The following CDH18 variants were observed in gnomAD, a reference collection of about 807,000 sequenced individuals.
CDH18 encodes cadherin 18, also known as cadherin-18.
Under a neutral mutation model 67.9 loss-of-function variants are expected in CDH18, and 31 were observed. That is an observed-to-expected ratio of 0.46 (90% CI 0.34 to 0.62). CDH18 has a LOEUF of 0.62. CDH18 is among the 20% of genes least tolerant of loss of function. The probability of loss-of-function intolerance (pLI) is 0.01; values close to 1 mark genes in which losing one functional copy is unlikely to be tolerated. For synonymous variants in CDH18, 362 were observed against 347.2 expected (o/e 1.04, Z -0.48); for missense variants, 890 against 975.5 (o/e 0.91, Z 1.17).
chr5:20,454,186 T>TA, intron 1 of CDH18, among the ~76,000 whole-genome samples: 1 of 152,234 alleles, frequency 6.6e-6, no homozygotes, highest in East Asian at 1.9e-4. Context: ...TCTATTATTA[T>TA]AAAAATGGCT....
rs1415592893 is a variant in CDH18, at chr5:19,981,102, C to G, written c.-299G>C. 6 of 152,192 alleles carry G rather than the reference C, an allele frequency of 3.9e-5. No individual in the cohort carries two copies. Among genetic ancestry groups the G allele is most frequent in the Non-Finnish European group, 5.9e-5 (4 of 68,048 alleles). 9.4% of individuals were successfully genotyped at this position (152,192 alleles called of 1,614,324 possible). The stretch of plus-strand genomic sequence containing the variant: ...ACTGCTGTCACTCTGCTGCAGACAC[C>G]ATCATCTCTCCCCAGAATTCTTGGG... On this transcript the variant is annotated 5_prime_UTR_variant, in exon 2 of 13. An upstream start codon of the reference 5' UTR is lost. Transcript: ENST00000382275.
intron 1 of CDH18, among the ~76,000 whole-genome samples, chr5:20,475,730 A>T (rs56321976): frequency 0.055 from 8,365 of 152,252 alleles, 766 homozygotes; most frequent in African/African-American, 0.19. Context: ...TAAGATTGCA[A>T]CTAGTTTTCC....
intron 3 of CDH18, among the ~76,000 whole-genome samples, chr5:19,782,488 G>GGT (rs1232892556): frequency 6.6e-6 from 1 of 152,022 alleles, no homozygotes; most frequent in Non-Finnish European, 1.5e-5. Context: ...TTTCCTGTGT[G>GGT]GTGTAGTGTG....
chr5:19,630,575 A>G (rs960815809), intron 5 of CDH18, among the ~76,000 whole-genome samples: 1 of 152,044 alleles, frequency 6.6e-6, no homozygotes, highest in Non-Finnish European at 1.5e-5. Context: ...GCTACTATCT[A>G]ATTCTCAGGC....
At chr5:20,541,174 A>C (rs953265225) in intron 1 of CDH18, among the ~76,000 whole-genome samples, 1 of 152,210 alleles carries the variant, frequency 6.6e-6, no homozygotes, top group South Asian at 2.1e-4. Flanking sequence ...AGATTTCAAC[A>C]GTAGTATGAA....
intron 2 of CDH18, among the ~76,000 whole-genome samples, chr5:20,016,599 A>T (rs954592854): frequency 6.6e-6 from 1 of 152,210 alleles, no homozygotes; most frequent in African/African-American, 2.4e-5. Context: ...ATAATTCAGC[A>T]TTGCATAGTT....
chr5:20,129,634 C>T (rs190691651), intron 2 of CDH18, among the ~76,000 whole-genome samples: 1 of 152,086 alleles, frequency 6.6e-6, no homozygotes, highest in East Asian at 1.9e-4. Context: ...TTGTTGTTAT[C>T]TATAAAACCA....
chr5:20,402,359 C>T (rs1745844383), intron 1 of CDH18, among the ~76,000 whole-genome samples: 1 of 152,130 alleles, frequency 6.6e-6, no homozygotes, highest in African/African-American at 2.4e-5. Context: ...GGAAAAAGGC[C>T]TGACATCATA....
At chr5:20,329,616 C>A (rs763326616) in intron 1 of CDH18, among the ~76,000 whole-genome samples, 4 of 151,314 alleles carry the variant, frequency 2.6e-5, no homozygotes, top group Non-Finnish European at 2.9e-5. Flanking sequence ...CACACACACA[C>A]AAAATTAGCC....
chr5:20,276,693 T>C (rs952644841), intron 1 of CDH18, among the ~76,000 whole-genome samples: 7 of 152,164 alleles, frequency 4.6e-5, no homozygotes, highest in Non-Finnish European at 7.3e-5. Context: ...CCACAAGGTA[T>C]AGAGCACTAA....
intron 5 of CDH18, among the ~76,000 whole-genome samples, chr5:19,624,593 T>G (rs1265738072): frequency 6.6e-6 from 1 of 152,130 alleles, no homozygotes; most frequent in African/African-American, 2.4e-5. Context: ...TTATACACCC[T>G]CCTTCATTCT....
At chr5:20,465,058 T>A (rs758029320) in intron 1 of CDH18, among the ~76,000 whole-genome samples, 2 of 152,106 alleles carry the variant, frequency 1.3e-5, no homozygotes, top group Non-Finnish European at 2.9e-5. Context: ...AGTTCAATTC[T>A]ACACATGTAA....
intron 2 of CDH18, among the ~76,000 whole-genome samples, chr5:20,031,009 G>C (rs998757640): frequency 2.0e-5 from 3 of 152,082 alleles, no homozygotes; most frequent in African/African-American, 2.4e-5. Context: ...AGAGGATACA[G>C]GTACCTATAT....
At chr5:19,846,326 A>G (rs567261740) in intron 2 of CDH18, among the ~76,000 whole-genome samples, 1 of 152,114 alleles carries the variant, frequency 6.6e-6, no homozygotes, top group African/African-American at 2.4e-5. Flanking sequence ...TATGTTACTG[A>G]TGTCACAAAT....
intron 2 of CDH18, among the ~76,000 whole-genome samples, chr5:20,091,515 AAAC>A (rs949623849): frequency 1.3e-5 from 2 of 152,116 alleles, no homozygotes; most frequent in Admixed American, 6.6e-5. Flanking sequence ...AAACAAAATG[AAAC>A]AACAACAACA....
chr5:19,621,018 G>A (rs1306770947), intron 5 of CDH18, among the ~76,000 whole-genome samples: 1 of 152,116 alleles, frequency 6.6e-6, no homozygotes, highest in Non-Finnish European at 1.5e-5. Context: ...TCATGGGTAA[G>A]AGACTATCTA....
At chr5:19,612,798 C>T (rs565018352) in intron 5 of CDH18, among the ~76,000 whole-genome samples, 197 bp from the exon 6 acceptor site, 1 of 152,260 alleles carries the variant, frequency 6.6e-6, no homozygotes, top group East Asian at 1.9e-4. Flanking sequence ...ATGCCCCAAA[C>T]ATCCTATTAA....
chr5:19,700,965 A>G (rs115016480), intron 5 of CDH18, among the ~76,000 whole-genome samples: 1,891 of 152,268 alleles, frequency 0.012, 37 homozygotes, highest in African/African-American at 0.043. Flanking sequence ...AGTGAGAAAA[A>G]AAGAAAAAAA....
intron 5 of CDH18, among the ~76,000 whole-genome samples, chr5:19,705,965 C>T (rs1371150624): frequency 6.6e-6 from 1 of 152,174 alleles, no homozygotes; most frequent in Non-Finnish European, 1.5e-5. Flanking sequence ...AATGTCTTCA[C>T]AGATGGGTCT....
Sources: allele counts gnomAD v4.1 joint callset (sites outside exome capture counted in the v4.1 genomes callset), GRCh38; gene constraint gnomAD v4.1.1; transcripts MANE v1.5; gene names NCBI Gene and HGNC (gene_info 2026-07-23, HGNC 2026-07-21).